Variants in MRPS9 observed in about 807,000 individuals in gnomAD.
MRPS9 encodes the protein small ribosomal subunit protein uS9m.
A neutral mutation model predicts 59.9 loss-of-function variants in MRPS9; 45 were observed. The observed-to-expected ratio is 0.75, with a 90% CI of 0.59 to 0.96. MRPS9 has a LOEUF of 0.96. Among genes scored for constraint, MRPS9 ranks in the 40% least tolerant of loss-of-function variants. The pLI, the probability that MRPS9 is intolerant of heterozygous loss-of-function variation, is 0.00. For synonymous variants in MRPS9, 171 were observed against 166.8 expected, an observed-to-expected ratio of 1.03 and a Z score of -0.19; for missense variants, 473 against 481.1, an observed-to-expected ratio of 0.98 and a Z score of 0.16.
At chr2:105,067,720 C>T (rs1240175254) in intron 2 of MRPS9, among the ~76,000 whole-genome samples, 1 of 148,780 alleles carries the variant, frequency 6.7e-6, no homozygotes, top group Non-Finnish European at 1.5e-5. Context: ...CTTTCTTTTT[C>T]TTCTTGCCCC....
rs569641950 is a variant in MRPS9 at position 105,086,253 on chromosome 2, AATC to A, written c.490-2726_490-2724del. 2.6e-4 allele frequency among the ~76,000 whole-genome samples: 39 copies of A among 152,316 alleles called. No individual in the cohort carries two copies. The South Asian group carries it at 7.5e-3, about 29-fold the overall frequency. On this transcript the variant is annotated intron_variant, in intron 5 of 10. Transcript: ENST00000258455. ...GGCATTATGTGATTTGATGGGTTAC[AATC>A]ATCAAATTGTAAGCATTTGCCACAA... is the stretch of plus-strand genomic sequence containing the variant.
chr2:105,067,093 A>G (rs1418107133), intron 2 of MRPS9, among the ~76,000 whole-genome samples: 1 of 152,004 alleles, frequency 6.6e-6, no homozygotes, highest in Non-Finnish European at 1.5e-5. Context: ...TATAAACTTA[A>G]CCCCCAAATA....
intron 2 of MRPS9, among the ~76,000 whole-genome samples, chr2:105,049,747 T>G (rs1679675078): frequency 6.6e-6 from 1 of 152,138 alleles, no homozygotes; most frequent in Non-Finnish European, 1.5e-5. Flanking sequence ...GGTTTCAAAA[T>G]GGGGGCGTAG....
chr2:105,072,498 AT>A (rs1392802076), intron 4 of MRPS9, among the ~76,000 whole-genome samples: 3 of 152,056 alleles, frequency 2.0e-5, no homozygotes, highest in Non-Finnish European at 4.4e-5. Flanking sequence ...CTCATATTTA[AT>A]TTATTTATGT....
At chr2:105,083,360 G>T (rs1212553779) in intron 5 of MRPS9, among the ~76,000 whole-genome samples, 1 of 152,084 alleles carries the variant, frequency 6.6e-6, no homozygotes. Flanking sequence ...CCCCACCAGG[G>T]TTACCTCCTT....
chr2:105,084,961 T>A (rs1422915474), intron 5 of MRPS9, among the ~76,000 whole-genome samples: 2 of 152,208 alleles, frequency 1.3e-5, no homozygotes, highest in Non-Finnish European at 2.9e-5. Context: ...TGTAATGGTA[T>A]AATTACTATA....
chr2:105,066,050 A>G (rs946505153), intron 2 of MRPS9, among the ~76,000 whole-genome samples: 1 of 152,238 alleles, frequency 6.6e-6, no homozygotes, highest in Non-Finnish European at 1.5e-5. Context: ...TGCATACTAA[A>G]CAGATGGCAG....
rs1301992020 is a variant in MRPS9 at position 105,093,556 on chromosome 2, G to A, written c.847G>A (p.Ala283Thr). 5 of 1,599,820 alleles carry A rather than the reference G, an allele frequency of 3.1e-6. No individual in the cohort carries two copies. Among genetic ancestry groups the A allele is most frequent in the Non-Finnish European group, 4.3e-6 (5 of 1,173,244 alleles). The change falls in exon 9 of 11, where the codon GCA (alanine) becomes ACA (threonine). Residue 283 changes from alanine to threonine, a missense_variant. Ala to Thr is a moderately conservative substitution (Grantham distance 58). Transcript: ENST00000258455. Reference protein sequence around the residue: ...EGKRKTAKAEAIVYKHGSGRI... With the variant: ...EGKRKTAKAETIVYKHGSGRI... The stretch of plus-strand genomic sequence containing the variant: ...TAAAAGAAAGACTGCAAAAGCAGAA[G>A]CAATTGTTTATAAACATGGAAGTGG...
At position 105,084,247 on chromosome 2, in the gene MRPS9, A is replaced by T. The variant is rs567999305; in HGVS notation, c.489+4185A>T. The stretch of plus-strand genomic sequence containing the variant: ...TGGCCACAGATGAAATATATACCAA[A>T]ATATATATATATATATATATATGTA... On this transcript the variant is annotated intron_variant, in intron 5 of 10. Transcript: ENST00000258455. Among the ~76,000 whole-genome samples the T allele has an allele frequency of 2.2e-3, 307 of 139,600 alleles. 1 individual carries two copies. Among genetic ancestry groups the T allele is most frequent in the African/African-American group, 7.4e-3 (284 of 38,276 alleles). The allele number at this position is 139,600 out of a possible 152,430, so 91.6% of individuals were successfully genotyped here.
chr2:105,097,435 A>ACTATG, intron 10 of MRPS9, 111 bp downstream of exon 10: 3 of 984,602 alleles, frequency 3.0e-6, no homozygotes, highest in Non-Finnish European at 4.1e-6. Context: ...TACATATGTA[A>ACTATG]TATTTCACTT....
chr2:105,038,111 T>A lies in MRPS9; in HGVS notation c.19T>A (p.Ser7Thr). Reference sequence around the variant, plus strand: ...AGCTAACATGGCGGCGCCCTGTGTGTCCTACGGCGGAGCAGTTTCGTACCG... The same window carrying A: ...AGCTAACATGGCGGCGCCCTGTGTGACCTACGGCGGAGCAGTTTCGTACCG... MAAPCVSYGGAVSYRLL... is the reference protein window; with the variant it reads MAAPCVTYGGAVSYRLL... Residue 7 changes from serine (S) to threonine (T), a missense_variant, in exon 1 of 11, where the codon TCC becomes ACC. Coordinates refer to ENST00000258455, the MANE Select transcript of MRPS9 (RefSeq NM_182640.3). The A allele has an allele frequency of 6.2e-7, 1 of 1,613,936 alleles. No individual in the cohort carries two copies. The highest frequency in any genetic ancestry group is 1.1e-5 in the South Asian group (1 of 91,032).
intron 10 of MRPS9, 31 bp downstream of exon 10, chr2:105,097,355 C>T (rs1482959268): frequency 6.5e-7 from 1 of 1,533,736 alleles, no homozygotes; most frequent in Non-Finnish European, 8.8e-7. Flanking sequence ...GGCATGGTGG[C>T]CCAATACTGG....
chr2:105,087,486 T>G (rs1680471403), intron 5 of MRPS9, among the ~76,000 whole-genome samples: 1 of 152,154 alleles, frequency 6.6e-6, no homozygotes, highest in African/African-American at 2.4e-5. Context: ...TGGATTTACT[T>G]TCAGTTTTGA....
At chr2:105,088,949 T>C (rs1295109733) in intron 5 of MRPS9, 35 bp from the exon 6 acceptor site, 1 of 1,431,422 alleles carries the variant, frequency 7.0e-7, no homozygotes, top group Non-Finnish European at 9.6e-7. Context: ...ATTGCTCTTA[T>C]TTTTAGCATG....
chr2:105,077,485 TAA>T (rs36122301), intron 4 of MRPS9, among the ~76,000 whole-genome samples: 32,802 of 151,822 alleles, frequency 0.22, 3,599 homozygotes, highest in Middle Eastern at 0.35. Context: ...AAAAAGCAAG[TAA>T]AAAAATGGTG....
At chr2:105,064,169 T>C (rs1679954619) in intron 2 of MRPS9, among the ~76,000 whole-genome samples, 1 of 152,044 alleles carries the variant, frequency 6.6e-6, no homozygotes, top group Non-Finnish European at 1.5e-5. Context: ...ACTTAAGGGA[T>C]GAGCAGAGGT....
rs891590113 is a variant in MRPS9, at chr2:105,038,299, C to G, written c.135+72C>G. Reference sequence around the variant, plus strand: ...ATGTGGAGCCAGCGCGGACACCTTCCCCCAGCGTCTCGCGTGCCTTCAGGC... The same window carrying G: ...ATGTGGAGCCAGCGCGGACACCTTCGCCCAGCGTCTCGCGTGCCTTCAGGC... On this transcript the variant is annotated intron_variant, in intron 1 of 10. Coordinates refer to ENST00000258455, the MANE Select transcript of MRPS9 (RefSeq NM_182640.3). 51 of 1,551,274 alleles carry G rather than the reference C, an allele frequency of 3.3e-5. No homozygotes were observed. The African/African-American group carries it at 6.7e-4, about 20-fold the overall frequency.
rs572505853 is a variant in MRPS9, at chr2:105,077,773, T to G, written c.410-2210T>G. ...ATAAGACTTGCAAAATATATGAGAT[T>G]TATATAGAAAATTATGATAACTCAG... On this transcript the variant is annotated intron_variant, in intron 4 of 10. Transcript: ENST00000258455. Among the ~76,000 whole-genome samples the G allele has an allele frequency of 3.2e-4, 49 of 151,106 alleles. 1 individual carries two copies. Among genetic ancestry groups the G allele is most frequent in the Middle Eastern group, 3.4e-3 (1 of 292 alleles).
At chr2:105,085,175 G>A (rs1257526791) in intron 5 of MRPS9, among the ~76,000 whole-genome samples, 1 of 152,070 alleles carries the variant, frequency 6.6e-6, no homozygotes, top group Non-Finnish European at 1.5e-5. Context: ...CAAAGTAATA[G>A]CAAGAGTCTA....
Sources: allele counts gnomAD v4.1 joint callset (sites outside exome capture counted in the v4.1 genomes callset), GRCh38; gene constraint gnomAD v4.1.1; transcripts MANE v1.5; gene names NCBI Gene and HGNC (gene_info 2026-07-23, HGNC 2026-07-21).